OR9Q1: variants seen among roughly 807,000 people sequenced by gnomAD.
OR9Q1 encodes the protein olfactory receptor 9Q1.
For missense variants in OR9Q1, 374 were observed against 378.8 expected (o/e 0.99, Z 0.11); for synonymous variants, 153 against 148.6 (o/e 1.03, Z -0.22).
intron 2 of OR9Q1, among the ~76,000 whole-genome samples, chr11:58,167,145 G>A (rs1356753012): frequency 6.6e-6 from 1 of 152,152 alleles, no homozygotes; most frequent in Admixed American, 6.5e-5. Flanking sequence ...GATGACACTG[G>A]AGGCCATTAT....
intron 2 of OR9Q1, among the ~76,000 whole-genome samples, chr11:58,121,815 T>C (rs982922272): frequency 1.3e-5 from 2 of 152,198 alleles, no homozygotes; most frequent in Non-Finnish European, 2.9e-5. Flanking sequence ...CTCATCATAA[T>C]ACCTCTTTCT....
intron 2 of OR9Q1, among the ~76,000 whole-genome samples, chr11:58,097,798 T>G (rs1853745811): frequency 6.6e-6 from 1 of 152,226 alleles, no homozygotes; most frequent in Non-Finnish European, 1.5e-5. Context: ...TAATGGTGCA[T>G]GCAACAACAT....
chr11:58,164,166 G>T (rs1022853551), intron 2 of OR9Q1, among the ~76,000 whole-genome samples: 1 of 152,142 alleles, frequency 6.6e-6, no homozygotes, highest in East Asian at 1.9e-4. Context: ...GGGGGGATGC[G>T]CATGTAGGGA....
chr11:58,123,320 G>C (rs536165607), intron 2 of OR9Q1, among the ~76,000 whole-genome samples: 8 of 152,242 alleles, frequency 5.3e-5, no homozygotes, highest in South Asian at 2.1e-4. Context: ...TTCAAATCAT[G>C]AGATAACTTG....
At chr11:58,100,383 T>C (rs1243002868) in intron 2 of OR9Q1, among the ~76,000 whole-genome samples, 1 of 152,226 alleles carries the variant, frequency 6.6e-6, no homozygotes, top group Admixed American at 6.5e-5. Flanking sequence ...CTTGCAATGG[T>C]ATAATTCCGT....
chr11:58,102,074 C>G (rs779642266), intron 2 of OR9Q1, among the ~76,000 whole-genome samples: 34 of 152,090 alleles, frequency 2.2e-4, no homozygotes, highest in Non-Finnish European at 3.7e-4. Flanking sequence ...AGTTTTGGAT[C>G]TTAGATTTAA....
chr11:58,074,892 G>A (rs548009031), intron 2 of OR9Q1, among the ~76,000 whole-genome samples: 1 of 152,054 alleles, frequency 6.6e-6, no homozygotes, highest in Non-Finnish European at 1.5e-5. Flanking sequence ...TTTTTGTCAG[G>A]TTTGTCAAAG....
chr11:58,101,156 A>G (rs1853779866), intron 2 of OR9Q1, among the ~76,000 whole-genome samples: 1 of 151,928 alleles, frequency 6.6e-6, no homozygotes, highest in Non-Finnish European at 1.5e-5. Context: ...AAATAAACAT[A>G]TATATAGTAT....
chr11:58,111,440 G>A (rs1483206649), intron 2 of OR9Q1, among the ~76,000 whole-genome samples: 1 of 152,190 alleles, frequency 6.6e-6, no homozygotes, highest in Non-Finnish European at 1.5e-5. Context: ...GCTTTCTCAT[G>A]AATTTGACTT....
chr11:58,114,533 C>G (rs1813036999), intron 2 of OR9Q1, among the ~76,000 whole-genome samples: 1 of 152,072 alleles, frequency 6.6e-6, no homozygotes, highest in Non-Finnish European at 1.5e-5. Context: ...TTAAATCCTC[C>G]TTTCTCTTCA....
chr11:58,044,737 T>A (rs1322166927), intron 1 of OR9Q1: 2 of 149,592 alleles, frequency 1.3e-5, no homozygotes, highest in African/African-American at 5.0e-5. Flanking sequence ...TAGGTAAGAA[T>A]AAGCTCTTCC....
chr11:58,168,488 T>G (rs548298827), intron 2 of OR9Q1, among the ~76,000 whole-genome samples: 280 of 152,340 alleles, frequency 1.8e-3, no homozygotes, highest in Non-Finnish European at 2.9e-3. Flanking sequence ...TATTTAATTT[T>G]TTTGTTGATC....
At chr11:58,095,378 T>C (rs1853720304) in intron 2 of OR9Q1, among the ~76,000 whole-genome samples, 1 of 152,244 alleles carries the variant, frequency 6.6e-6, no homozygotes, top group Non-Finnish European at 1.5e-5. Flanking sequence ...TAGATCCTTG[T>C]GTCTGACATA....
chr11:58,132,054 A>G (rs1374300464), intron 2 of OR9Q1, among the ~76,000 whole-genome samples: 1 of 152,142 alleles, frequency 6.6e-6, no homozygotes, highest in Non-Finnish European at 1.5e-5. Context: ...ATCTTCTTCA[A>G]CTTTCTGACT....
chr11:58,089,992 A>AT (rs1291844174), intron 2 of OR9Q1, among the ~76,000 whole-genome samples: 4 of 152,052 alleles, frequency 2.6e-5, no homozygotes. Flanking sequence ...TTGCACATTG[A>AT]TTTTGTATCC....
intron 2 of OR9Q1, among the ~76,000 whole-genome samples, chr11:58,112,914 T>A (rs1853916465): frequency 6.6e-6 from 1 of 152,144 alleles, no homozygotes; most frequent in African/African-American, 2.4e-5. Flanking sequence ...GGTGGCTCAC[T>A]ATGCTCCTCT....
chr11:58,126,226 C>A (rs1828820016), intron 2 of OR9Q1, among the ~76,000 whole-genome samples: 1 of 152,152 alleles, frequency 6.6e-6, no homozygotes, highest in Admixed American at 6.5e-5. Context: ...TTTGTTAGAA[C>A]CACATAATTT....
intron 2 of OR9Q1, among the ~76,000 whole-genome samples, chr11:58,083,107 G>A (rs770387677): frequency 3.9e-5 from 6 of 152,024 alleles, no homozygotes; most frequent in Non-Finnish European, 5.9e-5. Flanking sequence ...GTCCTGAATG[G>A]TATCGCCTAG....
chr11:58,064,588 AG>A (rs1435645405), intron 2 of OR9Q1, among the ~76,000 whole-genome samples: 4 of 152,138 alleles, frequency 2.6e-5, no homozygotes, highest in African/African-American at 9.7e-5. Flanking sequence ...ATTGGACAGC[AG>A]GGCCAGGGTG....
Sources: allele counts gnomAD v4.1 joint callset (sites outside exome capture counted in the v4.1 genomes callset), GRCh38; gene constraint gnomAD v4.1.1; transcripts MANE v1.5; gene names NCBI Gene and HGNC (gene_info 2026-07-23, HGNC 2026-07-21).